Variants in LMX1A observed in about 807,000 individuals in gnomAD.
LMX1A encodes the protein LIM homeobox transcription factor 1 alpha.
Under a neutral mutation model 49.1 loss-of-function variants are expected in LMX1A, and 15 were observed. The ratio of observed to expected loss-of-function variants is 0.31; its 90% CI spans 0.20 to 0.47. The LOEUF (loss-of-function observed/expected upper bound fraction) is 0.47, where lower values mean the gene tolerates loss of function less well. Among genes scored for constraint, LMX1A ranks in the 20% least tolerant of loss-of-function variants. The probability of loss-of-function intolerance (pLI) is 1.00; values close to 1 mark genes in which losing one functional copy is unlikely to be tolerated. For missense variants in LMX1A, 372 were observed against 475.8 expected (o/e 0.78, Z 2.03); for synonymous variants, 167 against 185.7 (o/e 0.90, Z 0.82).
Position 165,286,443 on chromosome 1 carries a change from A to G in LMX1A, c.264-36803T>C, listed in dbSNP as rs185947714. 1.3e-3 allele frequency among the ~76,000 whole-genome samples: 195 copies of G among 152,282 alleles called. 2 individuals are homozygous for G. The highest frequency in any genetic ancestry group is 8.5e-3 in the East Asian group (44 of 5,184). On this transcript the variant is annotated intron_variant, in intron 3 of 8. Coordinates refer to ENST00000342310, the MANE Select transcript of LMX1A (RefSeq NM_177398.4). ...AGCCTAAATTACTCCAATTCTGACA[A>G]TACCTGGACAACAAAAGACCACAGG...
At chr1:165,289,242 T>TAA (rs36056880) in intron 3 of LMX1A, among the ~76,000 whole-genome samples, 72 of 147,894 alleles carry the variant, frequency 4.9e-4, no homozygotes, top group African/African-American at 1.7e-3. Flanking sequence ...TGATTATTGA[T>TAA]AAAAAAAAAA....
At chr1:165,322,448 TATGCCAA>T (rs1470863653) in intron 3 of LMX1A, among the ~76,000 whole-genome samples, 2 of 152,148 alleles carry the variant, frequency 1.3e-5, no homozygotes, top group Admixed American at 1.3e-4. Flanking sequence ...TGATGAATGA[TATGCCAA>T]ATGTGGTGTG....
intron 3 of LMX1A, among the ~76,000 whole-genome samples, chr1:165,291,446 T>C (rs1474490332): frequency 3.3e-5 from 5 of 152,178 alleles, no homozygotes; most frequent in African/African-American, 1.2e-4. Flanking sequence ...GGGCCCATCA[T>C]TTTACCTCTC....
At chr1:165,213,839 T>A (rs1651531660) in intron 4 of LMX1A, 26 bp from the exon 5 acceptor site, 19 of 1,610,442 alleles carry the variant, frequency 1.2e-5, no homozygotes, top group Admixed American at 3.4e-5. Context: ...GACAATGTTG[T>A]GAGTCCCTGA....
chr1:165,290,708 A>G (rs2101714736), intron 3 of LMX1A, among the ~76,000 whole-genome samples: 1 of 152,384 alleles, frequency 6.6e-6, no homozygotes, highest in African/African-American at 2.4e-5. Context: ...ATGAAAGATT[A>G]TTAAGGATCA....
chr1:165,332,528 T>C (rs1655778641), intron 3 of LMX1A, among the ~76,000 whole-genome samples: 1 of 152,198 alleles, frequency 6.6e-6, no homozygotes, highest in African/African-American at 2.4e-5. Context: ...TATGAGTATA[T>C]GCATATACAC....
At chr1:165,262,921 C>T (rs1025543952) in intron 3 of LMX1A, among the ~76,000 whole-genome samples, 3 of 152,112 alleles carry the variant, frequency 2.0e-5, no homozygotes, top group Non-Finnish European at 4.4e-5. Context: ...ACAAAATTGT[C>T]GTGTGAAGGT....
chr1:165,300,844 C>A (rs999117261), intron 3 of LMX1A, among the ~76,000 whole-genome samples: 6 of 152,134 alleles, frequency 3.9e-5, no homozygotes, highest in Non-Finnish European at 8.8e-5. Flanking sequence ...TCTCCTCATT[C>A]ATGATTCCCA....
intron 3 of LMX1A, among the ~76,000 whole-genome samples, chr1:165,337,727 T>A (rs1364728960): frequency 1.3e-5 from 2 of 152,114 alleles, no homozygotes; most frequent in Non-Finnish European, 2.9e-5. Flanking sequence ...TGCCCCTGAG[T>A]CTAAGGATAT....
intron 3 of LMX1A, among the ~76,000 whole-genome samples, chr1:165,276,109 G>A (rs1034257837): frequency 6.6e-6 from 1 of 152,042 alleles, no homozygotes; most frequent in Admixed American, 6.6e-5. Context: ...AATCAAGTGT[G>A]CCCCTTCAGA....
chr1:165,339,886 A>C (rs1656018230), intron 3 of LMX1A, among the ~76,000 whole-genome samples: 1 of 151,504 alleles, frequency 6.6e-6, no homozygotes, highest in Non-Finnish European at 1.5e-5. Context: ...GGCTAAACTC[A>C]CCTTAGCCAT....
chr1:165,254,650 C>T (rs919803717), intron 3 of LMX1A, among the ~76,000 whole-genome samples: 1 of 152,182 alleles, frequency 6.6e-6, no homozygotes, highest in African/African-American at 2.4e-5. Context: ...CTCAGACAAG[C>T]AGAGAAAAGG....
rs1571139879 is a variant in LMX1A, at chr1:165,202,213, T to TG, written c.*1666dup. 5.2e-5 allele frequency: 8 copies of TG among 152,782 alleles called. No homozygotes were observed. In the East Asian group the frequency reaches 1.5e-3, roughly 30 times the overall value. The allele number at this position is 152,782 out of a possible 1,614,324, so 9.5% of individuals were successfully genotyped here. ...AGGCCAAGCCTATCCTGGCCCCTCC[T>TG]GGATGGGTCCACAGTGACCCGCTGT... On this transcript the variant is annotated 3_prime_UTR_variant, in exon 9 of 9. Transcript: ENST00000342310.
chr1:165,221,908 TACACACACACAC>T (rs3038076), intron 4 of LMX1A, among the ~76,000 whole-genome samples: 121 of 127,010 alleles, frequency 9.5e-4, no homozygotes, highest in African/African-American at 3.0e-3. Context: ...GTCTCCACTC[TACACACACACAC>T]ACACACACAC....
At chr1:165,243,413 CAG>C (rs1310084004) in intron 4 of LMX1A, among the ~76,000 whole-genome samples, 8 of 152,194 alleles carry the variant, frequency 5.3e-5, no homozygotes, top group African/African-American at 1.7e-4. Context: ...GCTACATCAA[CAG>C]AACATAATAT....
chr1:165,336,647 G>A (rs952983615), intron 3 of LMX1A, among the ~76,000 whole-genome samples: 13 of 152,148 alleles, frequency 8.5e-5, no homozygotes, highest in African/African-American at 2.4e-4. Flanking sequence ...CACCTACACC[G>A]TTGCCATCTC....
intron 4 of LMX1A, among the ~76,000 whole-genome samples, chr1:165,237,528 A>G (rs1304442721): frequency 6.6e-6 from 1 of 152,038 alleles, no homozygotes; most frequent in Non-Finnish European, 1.5e-5. Context: ...CACCTAGCAC[A>G]CCCATGCACA....
At chr1:165,273,879 G>T (rs1653881740) in intron 3 of LMX1A, among the ~76,000 whole-genome samples, 2 of 152,202 alleles carry the variant, frequency 1.3e-5, no homozygotes, top group African/African-American at 4.8e-5. Flanking sequence ...GGGCATAGAG[G>T]ACCATGAGGA....
In LMX1A at chr1:165,354,469, G is replaced by A. The variant is rs967501987; in HGVS notation, c.76+1015C>T. Among the ~76,000 whole-genome samples, 12 of 152,304 alleles carry A rather than the reference G, an allele frequency of 7.9e-5. No individual in the cohort carries two copies. In the East Asian group the frequency reaches 1.5e-3, roughly 20 times the overall value. On this transcript the variant is annotated intron_variant, in intron 2 of 8. Transcript: ENST00000342310. Reference sequence around the variant, plus strand: ...ATACATAAATCCGCACCCGCTGCCCGCCCGGGTACTGCCTGCTCTGGCTTC... The same window carrying A: ...ATACATAAATCCGCACCCGCTGCCCACCCGGGTACTGCCTGCTCTGGCTTC...
Sources: gnomAD v4.1 joint callset for allele counts (sites outside exome capture counted in the v4.1 genomes callset) on GRCh38, gnomAD v4.1.1 for gene constraint, MANE v1.5 for transcripts, NCBI Gene and HGNC (gene_info 2026-07-23, HGNC 2026-07-21) for gene names.